Variants in ESR1 observed in about 807,000 individuals in gnomAD.
The protein encoded by ESR1 is estrogen receptor 1.
ESR1 carries 12 observed loss-of-function variants against 52.7 expected under a neutral mutation model. The observed-to-expected ratio is 0.23, with a 90% CI of 0.15 to 0.37. The LOEUF is 0.37. Ranked by LOEUF, ESR1 falls within the 10% of genes least tolerant of loss-of-function variation. The probability of loss-of-function intolerance (pLI) is 1.00; values close to 1 mark genes in which losing one functional copy is unlikely to be tolerated. For synonymous variants in ESR1, 305 were observed against 316.8 expected, an observed-to-expected ratio of 0.96 and a Z score of 0.39; for missense variants, 584 against 779.7, an observed-to-expected ratio of 0.75 and a Z score of 2.99.
intron 5 of ESR1, among the ~76,000 whole-genome samples, chr6:152,029,064 A>C (rs928731090): frequency 1.3e-5 from 2 of 152,242 alleles, no homozygotes; most frequent in African/African-American, 4.8e-5. Context: ...ACTCTGACAG[A>C]CCTGCAGCTG....
At chr6:151,691,216 C>G (rs1026598938) in intron 1 of ESR1, among the ~76,000 whole-genome samples, 8 of 152,338 alleles carry the variant, frequency 5.3e-5, no homozygotes, top group African/African-American at 1.9e-4. Flanking sequence ...GCCCCTCTGT[C>G]TTGAAATGGG....
In ESR1 at chr6:151,736,375, G is replaced by GTTTTTTTTTTTTTTTTTTTTTTTTTT. The variant is rs10624912; in HGVS notation, c.-71+34385_-71+34386insTTTTTTTTTTTTTTTTTTTTTTTTTT. Among the ~76,000 whole-genome samples, 56 of 112,698 alleles carry GTTTTTTTTTTTTTTTTTTTTTTTTTT rather than the reference G, an allele frequency of 5.0e-4. 12 individuals are homozygous for GTTTTTTTTTTTTTTTTTTTTTTTTTT. Among genetic ancestry groups the GTTTTTTTTTTTTTTTTTTTTTTTTTT allele is most frequent in the African/African-American group, 2.1e-3 (55 of 26,158 alleles). The allele number at this position is 112,698 out of a possible 152,430, so 73.9% of individuals were successfully genotyped here. ...AAATACTTACTGTATTCCAGGTAGT[G>GTTTTTTTTTTTTTTTTTTTTTTTTTT]TTTTTTTTTTTTTTTGAGATGGAGT... On this transcript the variant is annotated intron_variant, in intron 2 of 2. Coordinates refer to the ESR1 transcript ENST00000404742.
chr6:151,838,210 C>G (rs562511775), intron 1 of ESR1, among the ~76,000 whole-genome samples: 6 of 152,224 alleles, frequency 3.9e-5, no homozygotes, highest in South Asian at 2.1e-4. Flanking sequence ...AAACAAAGGG[C>G]CTTTGAGGCC....
At chr6:152,042,413 T>G (rs568755051) in intron 5 of ESR1, among the ~76,000 whole-genome samples, 10 of 152,178 alleles carry the variant, frequency 6.6e-5, no homozygotes, top group Non-Finnish European at 1.5e-4. Flanking sequence ...TCCCCTGGAA[T>G]CAACGTCAGC....
At chr6:151,880,542 C>T in intron 2 of ESR1, 113 bp from the exon 3 acceptor site, 2 of 778,660 alleles carry the variant, frequency 2.6e-6, no homozygotes, top group Admixed American at 1.7e-5. Flanking sequence ...TGGGGAGCAA[C>T]ATAGTAAGGC....
chr6:151,734,457 G>A (rs980027100), intron 2 of ESR1, among the ~76,000 whole-genome samples: 3 of 152,004 alleles, frequency 2.0e-5, no homozygotes, highest in African/African-American at 4.8e-5. Flanking sequence ...GAGTGCTTCC[G>A]CTTCCCAGCA....
intron 6 of ESR1, among the ~76,000 whole-genome samples, chr6:152,111,191 A>G (rs2051128265): frequency 6.6e-6 from 1 of 152,202 alleles, no homozygotes; most frequent in African/African-American, 2.4e-5. Context: ...AGCACTTGGC[A>G]TCTATGTAGA....
rs973350820 is a variant in ESR1, at chr6:152,070,294, A to G, written c.1369+9170A>G. Among the ~76,000 whole-genome samples, 5 of 137,608 alleles carry G rather than the reference A, an allele frequency of 3.6e-5. 2 individuals carry two copies. The highest frequency in any genetic ancestry group is 1.6e-4 in the African/African-American group (5 of 31,004). The allele number at this position is 137,608 out of a possible 152,430, so 90.3% of individuals were successfully genotyped here. On this transcript the variant is annotated intron_variant, in intron 6 of 7. Coordinates refer to ENST00000206249, the MANE Select transcript of ESR1 (RefSeq NM_000125.4). ...GTGCAATCAGGCCATATATTTGGAAAGGCCATAGGTGCCCTCCCTCTGTCC... is the reference window on the plus strand; with the variant it reads ...GTGCAATCAGGCCATATATTTGGAAGGGCCATAGGTGCCCTCCCTCTGTCC...
At chr6:152,007,934 T>C (rs2042459494) in intron 4 of ESR1, among the ~76,000 whole-genome samples, 1 of 152,148 alleles carries the variant, frequency 6.6e-6, no homozygotes, top group Non-Finnish European at 1.5e-5. Context: ...AGCAGGTTCA[T>C]TTGGAATTGC....
At chr6:151,736,599 G>A (rs1462564672) in intron 2 of ESR1, among the ~76,000 whole-genome samples, 1 of 151,834 alleles carries the variant, frequency 6.6e-6, no homozygotes, top group Non-Finnish European at 1.5e-5. Context: ...GGGTGGTCTC[G>A]AACTCCTGAG....
At chr6:152,104,611 A>T (rs2051040190), downstream of ESR1, among the ~76,000 whole-genome samples, 1 of 152,164 alleles carries the variant, frequency 6.6e-6, no homozygotes, top group South Asian at 2.1e-4. Context: ...TACAATAAGA[A>T]ATATATATTT....
At chr6:151,799,209 C>T (rs1776998732) in intron 2 of ESR1, among the ~76,000 whole-genome samples, 1 of 152,216 alleles carries the variant, frequency 6.6e-6, no homozygotes, top group Non-Finnish European at 1.5e-5. Flanking sequence ...AGTTTGGAGA[C>T]ACAGATTCTA....
intron 1 of ESR1, among the ~76,000 whole-genome samples, chr6:151,840,309 G>A (rs929362270): frequency 6.6e-6 from 1 of 152,158 alleles, no homozygotes; most frequent in Admixed American, 6.6e-5. Context: ...TGAGGTTGAT[G>A]GGGGTGGGTT....
chr6:151,807,942 T>A lies in ESR1; in HGVS notation c.30T>A (p.Ser10=), dbSNP rs2077647. ...CCATGACCCTCCACACCAAAGCATC[T>A]GGGATGGCCCTACTGCATCAGATCC... MTMTLHTKA[S]GMALLHQIQG... is the part of the protein sequence containing the mutation. Residue 10 remains serine (S), a synonymous_variant, in exon 1 of 8, where the codon TCT becomes TCA. Coordinates refer to ENST00000206249, the MANE Select transcript of ESR1 (RefSeq NM_000125.4). 5.6e-6 allele frequency: 9 copies of A among 1,613,388 alleles called. No individual in the cohort carries two copies. In the African/African-American group the frequency reaches 1.2e-4, roughly 22 times the overall value.
chr6:151,830,302 T>C (rs1583524031), intron 1 of ESR1, among the ~76,000 whole-genome samples: 1 of 152,260 alleles, frequency 6.6e-6, no homozygotes, highest in African/African-American at 2.4e-5. Flanking sequence ...TTCTCCTCCA[T>C]TTGTATCTGT....
Position 151,979,377 on chromosome 6 carries a change from A to C in ESR1, c.1097-32279A>C, listed in dbSNP as rs1419273364. Among the ~76,000 whole-genome samples, 7 of 152,182 alleles carry C rather than the reference A, an allele frequency of 4.6e-5. No homozygotes were observed. In the East Asian group the frequency reaches 1.3e-3, roughly 29 times the overall value. Reference sequence around the variant, plus strand: ...AACAAAATTGGTTTAAATTATCCTAAAATGATTTTAGGAGAAAATGGACAT... The same window carrying C: ...AACAAAATTGGTTTAAATTATCCTACAATGATTTTAGGAGAAAATGGACAT... On this transcript the variant is annotated intron_variant, in intron 4 of 7. Transcript: ENST00000206249.
At chr6:151,815,881 T>C (rs1779549817) in intron 1 of ESR1, among the ~76,000 whole-genome samples, 1 of 152,192 alleles carries the variant, frequency 6.6e-6, no homozygotes, top group Non-Finnish European at 1.5e-5. Context: ...GCTATCTACT[T>C]CGTGTTATGA....
intron 1 of ESR1, among the ~76,000 whole-genome samples, chr6:151,692,654 T>A (rs1162050438): frequency 6.6e-6 from 1 of 152,210 alleles, no homozygotes; most frequent in Non-Finnish European, 1.5e-5. Flanking sequence ...GCATATTGTC[T>A]AATGAAGTGC....
At chr6:152,097,723 TCTGCCCATTTCCCG>T (rs768003155) in intron 7 of ESR1, among the ~76,000 whole-genome samples, 29 of 152,166 alleles carry the variant, frequency 1.9e-4, no homozygotes, top group Non-Finnish European at 2.9e-4. Flanking sequence ...TACATTTCCC[TCTGCCCATTTCCCG>T]CTGCCCATTT....
Sources: allele counts gnomAD v4.1 joint callset (sites outside exome capture counted in the v4.1 genomes callset), GRCh38; gene constraint gnomAD v4.1.1; transcripts MANE v1.5; gene names NCBI Gene and HGNC (gene_info 2026-07-23, HGNC 2026-07-21).